SLC25A24: variants seen among roughly 807,000 people sequenced by gnomAD.
The protein encoded by SLC25A24 is solute carrier family 25 member 24.
SLC25A24 carries 49 observed loss-of-function variants against 60.7 expected under a neutral mutation model. The observed-to-expected ratio is 0.81, with a 90% CI of 0.64 to 1.02. SLC25A24 has a LOEUF of 1.02. SLC25A24 is among the 50% of genes least tolerant of loss of function. The pLI, the probability that SLC25A24 is intolerant of heterozygous loss-of-function variation, is 0.00. For synonymous variants in SLC25A24, 202 were observed against 200.6 expected (o/e 1.01, Z -0.06); for missense variants, 564 against 586.3 (o/e 0.96, Z 0.39).
At chr1:108,199,829 G>A in intron 1 of SLC25A24, 127 bp downstream of exon 1, 1 of 728,818 alleles carries the variant, frequency 1.4e-6, no homozygotes, top group Non-Finnish European at 2.2e-6. Flanking sequence ...CCACCGGAGC[G>A]CTGGGCGCCA....
intron 7 of SLC25A24, among the ~76,000 whole-genome samples, chr1:108,145,601 G>A (rs1431394520): frequency 6.6e-6 from 1 of 151,980 alleles, no homozygotes; most frequent in Non-Finnish European, 1.5e-5. Flanking sequence ...AAGGTGTAAG[G>A]AAGGGGTCCA....
At chr1:108,145,840 C>A in intron 7 of SLC25A24, among the ~76,000 whole-genome samples, 1 of 152,094 alleles carries the variant, frequency 6.6e-6, no homozygotes, top group African/African-American at 2.4e-5. Flanking sequence ...TAGCGTGATG[C>A]CTCCAGCTTC....
At position 108,192,689 on chromosome 1, in the gene SLC25A24, A is replaced by G. The variant is rs7514794; in HGVS notation, c.184-6735T>C. Reference sequence around the variant, plus strand: ...AGCGGGGTGGAAGTGCGACCGACGAACGGGATCTCTGCCCACCACACACGT... The same window carrying G: ...AGCGGGGTGGAAGTGCGACCGACGAGCGGGATCTCTGCCCACCACACACGT... On this transcript the variant is annotated intron_variant, in intron 1 of 9. Transcript: ENST00000565488. The G allele has an allele frequency of 7.3e-3, 10,650 of 1,456,198 alleles. 1,543 individuals carry two copies. In the African/African-American group the frequency reaches 0.13, roughly 17 times the overall value. The allele number at this position is 1,456,198 out of a possible 1,614,324, so 90.2% of individuals were successfully genotyped here. A position where few individuals can be genotyped will look rare whatever the true frequency, so the allele number is the denominator to read the frequency against.
At position 108,136,471 on chromosome 1, in the gene SLC25A24, TTGAACATTTCTG is replaced by T; in HGVS notation, c.*170_*181del. Reference sequence around the variant, plus strand: ...TTCAAAACACATTAAAACTATGATTTTGAACATTTCTGTGTACATATAATTTAGCCCAAAAGT... The same window carrying T: ...TTCAAAACACATTAAAACTATGATTTTGTACATATAATTTAGCCCAAAAGT... On this transcript the variant is annotated 3_prime_UTR_variant, in exon 10 of 10. Transcript: ENST00000565488. 1 of 553,900 alleles carries T rather than the reference TTGAACATTTCTG, an allele frequency of 1.8e-6. No homozygotes were observed. The highest frequency in any genetic ancestry group is 3.2e-6 in the Non-Finnish European group (1 of 314,842). The allele number at this position is 553,900 out of a possible 1,614,324, so 34.3% of individuals were successfully genotyped here. A position where few individuals can be genotyped will look rare whatever the true frequency, so the allele number is the denominator to read the frequency against.
intron 6 of SLC25A24, among the ~76,000 whole-genome samples, chr1:108,151,927 A>G (rs1222064132): frequency 1.3e-5 from 2 of 152,076 alleles, no homozygotes; most frequent in African/African-American, 4.8e-5. Flanking sequence ...AGTTCTGTTG[A>G]TTCTACTTCC....
At chr1:108,190,011 T>C (rs1388906911) in intron 1 of SLC25A24, among the ~76,000 whole-genome samples, 1 of 152,040 alleles carries the variant, frequency 6.6e-6, no homozygotes, top group Non-Finnish European at 1.5e-5. Flanking sequence ...TAGGAATGGA[T>C]TCCCCTTTAA....
At chr1:108,195,810 C>T (rs1648478171) in intron 1 of SLC25A24, among the ~76,000 whole-genome samples, 1 of 152,046 alleles carries the variant, frequency 6.6e-6, no homozygotes, top group South Asian at 2.1e-4. Context: ...ACCAGCCTGA[C>T]CAAAATGGCA....
chr1:108,197,444 G>C, intron 1 of SLC25A24, among the ~76,000 whole-genome samples: 1 of 152,204 alleles, frequency 6.6e-6, no homozygotes, highest in Middle Eastern at 3.4e-3. Flanking sequence ...ACTTTCCACC[G>C]AAGAGTCACC....
rs1680127227 is a variant in SLC25A24 at position 108,162,834 on chromosome 1, A to T, written c.399-1541T>A. 2.7e-5 allele frequency among the ~76,000 whole-genome samples: 4 copies of T among 149,992 alleles called. No individual in the cohort carries two copies. In the South Asian group the frequency reaches 8.4e-4, roughly 32 times the overall value. On this transcript the variant is annotated intron_variant, in intron 3 of 9. Transcript: ENST00000565488. ...TTTGTCAATTTTGGCTTTTGTTGCCATTGCTTTTGGTGTTTTAGACATGAA... is the reference window on the plus strand; with the variant it reads ...TTTGTCAATTTTGGCTTTTGTTGCCTTTGCTTTTGGTGTTTTAGACATGAA...
At chr1:108,199,801 A>G in intron 1 of SLC25A24, 155 bp downstream of exon 1, 1 of 627,290 alleles carries the variant, frequency 1.6e-6, no homozygotes, top group Non-Finnish European at 2.7e-6. Flanking sequence ...TCGCGGCCCC[A>G]CGCCCGAGTT....
intron 6 of SLC25A24, among the ~76,000 whole-genome samples, chr1:108,150,909 C>A (rs1679737376): frequency 6.6e-6 from 1 of 152,102 alleles, no homozygotes; most frequent in South Asian, 2.1e-4. Context: ...AAATCAAAAT[C>A]CTCCCTCCAG....
At position 108,168,261 on chromosome 1, in the gene SLC25A24, G is replaced by C. The variant is rs148067712; in HGVS notation, c.399-6968C>G. Reference sequence around the variant, plus strand: ...CCAGCACAGAGGTATATCTGCATGAGAGTCCTAGTCACTACTTACATTTAT... The same window carrying C: ...CCAGCACAGAGGTATATCTGCATGACAGTCCTAGTCACTACTTACATTTAT... On this transcript the variant is annotated intron_variant, in intron 3 of 9. Coordinates refer to ENST00000565488, the MANE Select transcript of SLC25A24 (RefSeq NM_013386.5). 8.4e-4 allele frequency among the ~76,000 whole-genome samples: 128 copies of C among 152,254 alleles called. 1 individual carries two copies. Among genetic ancestry groups the C allele is most frequent in the African/African-American group, 3.0e-3 (125 of 41,546 alleles).
At chr1:108,170,403 G>C (rs956527944) in intron 3 of SLC25A24, among the ~76,000 whole-genome samples, 1 of 152,036 alleles carries the variant, frequency 6.6e-6, no homozygotes, top group African/African-American at 2.4e-5. Context: ...TTTTATACAT[G>C]TTCCATAAAT....
chr1:108,170,466 C>T (rs927605965), intron 3 of SLC25A24, among the ~76,000 whole-genome samples: 15 of 151,974 alleles, frequency 9.9e-5, no homozygotes, highest in African/African-American at 3.6e-4. Flanking sequence ...CTATTACATG[C>T]CCATTAAATC....
intron 1 of SLC25A24, among the ~76,000 whole-genome samples, chr1:108,195,523 G>A (rs1648467923): frequency 6.6e-6 from 1 of 152,140 alleles, no homozygotes; most frequent in Non-Finnish European, 1.5e-5. Context: ...TAAATCAGGA[G>A]AGAACACAAA....
chr1:108,138,659 T>C (rs1679357077), intron 9 of SLC25A24, among the ~76,000 whole-genome samples: 1 of 152,198 alleles, frequency 6.6e-6, no homozygotes, highest in Non-Finnish European at 1.5e-5. Context: ...GCTTTATTTA[T>C]ATTGTTGGTA....
At position 108,190,693 on chromosome 1, in the gene SLC25A24, CTT is replaced by C. The variant is rs61203492; in HGVS notation, c.184-4741_184-4740del. 6.2e-5 allele frequency among the ~76,000 whole-genome samples: 8 copies of C among 128,734 alleles called. 1 individual carries two copies. Among genetic ancestry groups the C allele is most frequent in the Admixed American group, 1.8e-4 (2 of 11,050 alleles). 84.5% of individuals were successfully genotyped at this position (128,734 alleles called of 152,430 possible). ...TAACACGACAATGTAAGTATCATTT[CTT>C]TTTTTTTTTTTTAATCAGTTGAGTT... On this transcript the variant is annotated intron_variant, in intron 1 of 9. Coordinates refer to ENST00000565488, the MANE Select transcript of SLC25A24 (RefSeq NM_013386.5).
Position 108,143,526 on chromosome 1 carries a change from G to A in SLC25A24, c.1098+17C>T. ...TCTAACTGCATTTTCCAATTCAAAA[G>A]ATTTCTACAAACTCACCTCATACAC... On this transcript the variant is annotated intron_variant, in intron 8 of 9. Transcript: ENST00000565488. 6.3e-7 allele frequency: 1 copy of A among 1,592,122 alleles called. No individual in the cohort carries two copies. The highest frequency in any genetic ancestry group is 8.5e-7 in the Non-Finnish European group (1 of 1,171,196).
At chr1:108,192,425 C>G in intron 1 of SLC25A24, 1 of 1,188,326 alleles carries the variant, frequency 8.4e-7, no homozygotes, top group Non-Finnish European at 1.2e-6. Context: ...AAATTTTGCC[C>G]TCTCTGCCCA....
Sources: gnomAD v4.1 joint callset for allele counts (sites outside exome capture counted in the v4.1 genomes callset) on GRCh38, gnomAD v4.1.1 for gene constraint, MANE v1.5 for transcripts, NCBI Gene and HGNC (gene_info 2026-07-23, HGNC 2026-07-21) for gene names.